The following ABHD6 variants were observed in gnomAD, a reference collection of about 807,000 sequenced individuals.
The protein encoded by ABHD6 is monoacylglycerol lipase ABHD6.
A neutral mutation model predicts 38.8 loss-of-function variants in ABHD6; 33 were observed. That is an observed-to-expected ratio of 0.85 (90% CI 0.64 to 1.14). The LOEUF is 1.14. Among genes scored for constraint, ABHD6 ranks in the 50% most tolerant of loss-of-function variants. The pLI is 0.00. For synonymous variants in ABHD6, 147 were observed against 161.6 expected, an observed-to-expected ratio of 0.91 and a Z score of 0.69; for missense variants, 380 against 422.6, an observed-to-expected ratio of 0.90 and a Z score of 0.88.
At chr3:58,280,206 C>T (rs1232920319) in intron 7 of ABHD6, among the ~76,000 whole-genome samples, 1 of 152,182 alleles carries the variant, frequency 6.6e-6, no homozygotes, top group Non-Finnish European at 1.5e-5. Flanking sequence ...TTCCATTCTT[C>T]CCATCATTTC....
At chr3:58,292,780 G>C (rs565246383) in intron 9 of ABHD6, among the ~76,000 whole-genome samples, 1 of 152,134 alleles carries the variant, frequency 6.6e-6, no homozygotes, top group Non-Finnish European at 1.5e-5. Context: ...AGCTGGGCAT[G>C]GTGGCGGGCA....
chr3:58,281,819 A>G (rs2097453495), intron 7 of ABHD6, among the ~76,000 whole-genome samples: 1 of 152,224 alleles, frequency 6.6e-6, no homozygotes, highest in Admixed American at 6.5e-5. Flanking sequence ...TTACCATATT[A>G]GAAATTAAAA....
chr3:58,291,757 G>C (rs1170886468), intron 9 of ABHD6, among the ~76,000 whole-genome samples: 1 of 152,140 alleles, frequency 6.6e-6, no homozygotes, highest in African/African-American at 2.4e-5. Flanking sequence ...TTTTGCCTGT[G>C]AGTTGTGGTT....
intron 9 of ABHD6, among the ~76,000 whole-genome samples, chr3:58,290,138 C>A (rs1276913506): frequency 4.7e-4 from 52 of 111,368 alleles, no homozygotes; most frequent in East Asian, 1.6e-3. Context: ...CCCCTCACCT[C>A]CCGGACGGGG....
In ABHD6 at chr3:58,256,748, A is replaced by G; in HGVS notation, c.119+43A>G. On this transcript the variant is annotated intron_variant, in intron 3 of 9. Transcript: ENST00000478253. The surrounding 1 kb of genome is among the most constrained non-coding windows in gnomAD (Gnocchi z 4.3). The stretch of plus-strand genomic sequence containing the variant: ...TTGATGTTTTCAAGAGTATCATAAT[A>G]TTGACATCTTCTCTGCTTGTCCTTT... 1 of 1,407,474 alleles carries G rather than the reference A, an allele frequency of 7.1e-7. No individual in the cohort carries two copies. Among genetic ancestry groups the G allele is most frequent in the Non-Finnish European group, 1.0e-6 (1 of 999,052 alleles). 87.2% of individuals were successfully genotyped at this position (1,407,474 alleles called of 1,614,324 possible).
intron 1 of ABHD6, among the ~76,000 whole-genome samples, chr3:58,248,844 C>A (rs1200389642): frequency 6.6e-6 from 1 of 152,196 alleles, no homozygotes; most frequent in African/African-American, 2.4e-5. Context: ...TTTTCCATAG[C>A]CTCAGCAGCA....
At chr3:58,245,846 A>C (rs539736216) in intron 1 of ABHD6, among the ~76,000 whole-genome samples, 185 of 139,194 alleles carry the variant, frequency 1.3e-3, no homozygotes, top group African/African-American at 4.8e-3. Flanking sequence ...AAAGAACAAA[A>C]AAAGAAAGGC....
intron 1 of ABHD6, 30 bp downstream of exon 1, chr3:58,237,946 T>G (rs1401359246): frequency 6.6e-6 from 1 of 152,616 alleles, no homozygotes; most frequent in Non-Finnish European, 1.5e-5. Flanking sequence ...CGGGCGGTGG[T>G]GCGCTCCTAG....
intron 7 of ABHD6, among the ~76,000 whole-genome samples, chr3:58,281,838 G>A (rs147820568): frequency 7.9e-5 from 12 of 152,278 alleles, no homozygotes; most frequent in East Asian, 7.7e-4. Flanking sequence ...AACTCAGGCC[G>A]GGTGCGGTGG....
chr3:58,285,663 A>G lies in ABHD6; in HGVS notation c.837+210A>G, dbSNP rs1489819863. Among the ~76,000 whole-genome samples, 1 of 152,230 alleles carries G rather than the reference A, an allele frequency of 6.6e-6. No homozygotes were observed. The highest frequency in any genetic ancestry group is 1.5e-5 in the Non-Finnish European group (1 of 68,046). ...AACATTTGGTCTGGTAAAAGGAAAGACAATTTTAAATCATTTTCAAAAATT... is the reference window on the plus strand; with the variant it reads ...AACATTTGGTCTGGTAAAAGGAAAGGCAATTTTAAATCATTTTCAAAAATT... On this transcript the variant is annotated intron_variant, in intron 9 of 9. Coordinates refer to ENST00000478253, the MANE Select transcript of ABHD6 (RefSeq NM_001320126.2). This position sits in a 1 kb window ranked among gnomAD's most constrained non-coding sequence, Gnocchi z 4.9.
chr3:58,274,891 C>T, intron 7 of ABHD6, 76 bp downstream of exon 7: 1 of 1,489,178 alleles, frequency 6.7e-7, no homozygotes, highest in Non-Finnish European at 9.1e-7. Context: ...TGCACGTATT[C>T]CCTCCTTCAC....
At chr3:58,272,081 C>T (rs2097445427) in intron 6 of ABHD6, among the ~76,000 whole-genome samples, 1 of 152,078 alleles carries the variant, frequency 6.6e-6, no homozygotes, top group South Asian at 2.1e-4. Context: ...TGGGAATAGG[C>T]GTGAGCCACC....
chr3:58,261,174 G>A (rs895582402), intron 3 of ABHD6, among the ~76,000 whole-genome samples: 1 of 152,006 alleles, frequency 6.6e-6, no homozygotes, highest in Non-Finnish European at 1.5e-5. Context: ...TGAAATCAAG[G>A]TAAGAAATAA....
rs1257835444 is a variant in ABHD6, at chr3:58,285,662, G to A, written c.837+209G>A. Among the ~76,000 whole-genome samples, 1 of 152,168 alleles carries A rather than the reference G, an allele frequency of 6.6e-6. No individual in the cohort carries two copies. The highest frequency in any genetic ancestry group is 1.5e-5 in the Non-Finnish European group (1 of 68,026). ...CAACATTTGGTCTGGTAAAAGGAAA[G>A]ACAATTTTAAATCATTTTCAAAAAT... is the stretch of plus-strand genomic sequence containing the variant. On this transcript the variant is annotated intron_variant, in intron 9 of 9. Transcript: ENST00000478253. This position sits in a 1 kb window ranked among gnomAD's most constrained non-coding sequence, Gnocchi z 4.9.
In ABHD6 at chr3:58,271,036, C is replaced by G. The variant is rs747462744; in HGVS notation, c.495C>G (p.Val165=). The G allele has an allele frequency of 1.2e-6, 2 of 1,610,038 alleles. No individual in the cohort carries two copies. The highest frequency in any genetic ancestry group is 1.7e-6 in the Non-Finnish European group (2 of 1,178,884). Residue 165 remains valine, a synonymous_variant, in exon 6 of 10, where the codon GTC becomes GTG. Coordinates refer to ENST00000478253, the MANE Select transcript of ABHD6 (RefSeq NM_001320126.2). The stretch of plus-strand genomic sequence containing the variant: ...ATGCTGCTTACTACCCATCGGATGT[C>G]TCCAGCCTGTGTCTCGTGTGTCCTG... ...GVYAAYYPSD[V]SSLCLVCPAG...
Position 58,287,458 on chromosome 3 carries a change from C to T in ABHD6, c.837+2005C>T, listed in dbSNP as rs1051598354. Among the ~76,000 whole-genome samples, 25 of 151,658 alleles carry T rather than the reference C, an allele frequency of 1.6e-4. No individual in the cohort carries two copies. Among genetic ancestry groups the T allele is most frequent in the African/African-American group, 6.1e-4 (25 of 41,234 alleles). On this transcript the variant is annotated intron_variant, in intron 9 of 9. Coordinates refer to ENST00000478253, the MANE Select transcript of ABHD6 (RefSeq NM_001320126.2). This position sits in a 1 kb window ranked among gnomAD's most constrained non-coding sequence, Gnocchi z 4.7. ...CCAGGCTGTGCCCATGGCGTGTACG[C>T]AGAATAAGAGGCAATGGTGTCTTAG...
rs149374146 is a variant in ABHD6 at position 58,251,350 on chromosome 3, A to G, written c.-26+1408A>G. ...AAAGAAAGAAAAAAAGACAGAAATC[A>G]GTAAGTCAGGCGAAGCGAGGAGAGA... On this transcript the variant is annotated intron_variant, in intron 2 of 9. Coordinates refer to ENST00000478253, the MANE Select transcript of ABHD6 (RefSeq NM_001320126.2). This position sits in a 1 kb window ranked among gnomAD's most constrained non-coding sequence, Gnocchi z 5.4. 7.9e-5 allele frequency among the ~76,000 whole-genome samples: 12 copies of G among 152,122 alleles called. No homozygotes were observed. Among genetic ancestry groups the G allele is most frequent in the South Asian group, 2.1e-4 (1 of 4,818 alleles).
chr3:58,246,882 G>A (rs2097426776), intron 1 of ABHD6, among the ~76,000 whole-genome samples: 1 of 152,212 alleles, frequency 6.6e-6, no homozygotes, highest in Non-Finnish European at 1.5e-5. Context: ...CATGTGGGCA[G>A]TAGTCCGCCA....
chr3:58,286,520 G>T (rs2107474697), intron 9 of ABHD6, among the ~76,000 whole-genome samples: 1 of 152,056 alleles, frequency 6.6e-6, no homozygotes, highest in Admixed American at 6.5e-5. Context: ...AACATTTTCA[G>T]CCTTGTGGTC....
Sources: allele counts gnomAD v4.1 joint callset (sites outside exome capture counted in the v4.1 genomes callset), GRCh38; gene constraint gnomAD v4.1.1; non-coding constraint Gnocchi (gnomAD v3.1); transcripts MANE v1.5; gene names NCBI Gene and HGNC (gene_info 2026-07-23, HGNC 2026-07-21).